Variants in ACSF2 observed in about 807,000 individuals in gnomAD.
ACSF2 encodes acyl-CoA synthetase family member 2.
ACSF2 carries 52 observed loss-of-function variants against 79.3 expected under a neutral mutation model. The ratio of observed to expected loss-of-function variants is 0.66; its 90% CI spans 0.53 to 0.83. ACSF2 has a LOEUF of 0.83. Ranked by LOEUF, ACSF2 falls within the 40% of genes least tolerant of loss-of-function variation. ACSF2 has a pLI of 0.00. For synonymous variants in ACSF2, 283 were observed against 312.6 expected (o/e 0.91, Z 1.00); for missense variants, 661 against 803.3 (o/e 0.82, Z 2.14).
intron 1 of ACSF2, among the ~76,000 whole-genome samples, chr17:50,429,797 C>T (rs1314070856): frequency 2.0e-5 from 3 of 152,190 alleles, no homozygotes; most frequent in African/African-American, 4.8e-5. Flanking sequence ...GGATTACAGG[C>T]GTGAGCCACC....
chr17:50,436,928 G>T (rs929298989), intron 1 of ACSF2, among the ~76,000 whole-genome samples: 61 of 152,066 alleles, frequency 4.0e-4, no homozygotes, highest in African/African-American at 1.4e-3. Context: ...ATTTATTCAG[G>T]TACATAAAAA....
intron 6 of ACSF2, chr17:50,462,830 C>T (rs2143716568): frequency 1.7e-6 from 1 of 592,138 alleles, no homozygotes; most frequent in Non-Finnish European, 3.0e-6. Context: ...TTCACTGAAC[C>T]AACACAGGTT....
In ACSF2 at chr17:50,463,510, T is replaced by C; in HGVS notation, c.1004T>C (p.Ile335Thr). ...YGATLILASP[I>T]FNGKKALEAI... ...GCCACCCTCATCCTGGCCTCTCCCATCTTCAATGGCAAGAAGGCACTGGAG... is the reference window on the plus strand; with the variant it reads ...GCCACCCTCATCCTGGCCTCTCCCACCTTCAATGGCAAGAAGGCACTGGAG... Residue 335 changes from isoleucine (I) to threonine (T), a missense_variant, in exon 8 of 16, where the codon ATC becomes ACC. By Grantham distance (89) the Ile-to-Thr change is moderately conservative. Coordinates refer to ENST00000300441, the MANE Select transcript of ACSF2 (RefSeq NM_025149.6). This position sits in a 1 kb window ranked among gnomAD's most constrained non-coding sequence, Gnocchi z 4.6. The C allele has an allele frequency of 6.2e-7, 1 of 1,614,150 alleles. No individual in the cohort carries two copies. The highest frequency in any genetic ancestry group is 8.5e-7 in the Non-Finnish European group (1 of 1,180,034).
chr17:50,460,013 G>C (rs1210044996), intron 1 of ACSF2, among the ~76,000 whole-genome samples: 1 of 152,140 alleles, frequency 6.6e-6, no homozygotes, highest in Non-Finnish European at 1.5e-5. Flanking sequence ...TCTGAGAGTG[G>C]GAGCTGGAGC....
At chr17:50,460,458 C>T (rs1326378477) in intron 1 of ACSF2, 2 of 582,280 alleles carry the variant, frequency 3.4e-6, no homozygotes, top group Admixed American at 5.9e-5. Context: ...TTTGCTCCAG[C>T]TTGGTGTAAC....
intron 1 of ACSF2, among the ~76,000 whole-genome samples, chr17:50,434,863 CT>C (rs200357988): frequency 0.011 from 1,615 of 148,616 alleles, 37 homozygotes; most frequent in African/African-American, 0.038. Context: ...CTGCACAGAT[CT>C]TTTTTTTTTC....
chr17:50,438,080 T>G (rs2030578415), intron 1 of ACSF2, among the ~76,000 whole-genome samples: 1 of 152,152 alleles, frequency 6.6e-6, no homozygotes. Context: ...TGTCCCCCAG[T>G]ATCTATGGGG....
At chr17:50,462,652 G>C in intron 6 of ACSF2, 67 bp downstream of exon 6, 1 of 1,552,158 alleles carries the variant, frequency 6.4e-7, no homozygotes, top group South Asian at 1.2e-5. Flanking sequence ...TGACACTTCC[G>C]CGGGGATGGG....
rs2030197800 is a variant in ACSF2 at position 50,434,238 on chromosome 17, G to C, written c.128+7849G>C. Among the ~76,000 whole-genome samples, 3 of 152,164 alleles carry C rather than the reference G, an allele frequency of 2.0e-5. No individual in the cohort carries two copies. In the East Asian group the frequency reaches 5.8e-4, roughly 30 times the overall value. ...GGGGACTGAGGCAGGAGGATTGCTT[G>C]AGCCCAGGAAGTCGAGGCTGCAGTG... On this transcript the variant is annotated intron_variant, in intron 1 of 15. Transcript: ENST00000300441.
At chr17:50,432,687 G>A (rs1725496996) in intron 1 of ACSF2, among the ~76,000 whole-genome samples, 1 of 152,192 alleles carries the variant, frequency 6.6e-6, no homozygotes, top group African/African-American at 2.4e-5. Flanking sequence ...TACAAATCGT[G>A]CTTTATAAAC....
intron 1 of ACSF2, among the ~76,000 whole-genome samples, chr17:50,443,657 T>C (rs922195777): frequency 6.6e-6 from 1 of 152,144 alleles, no homozygotes; most frequent in African/African-American, 2.4e-5. Flanking sequence ...GGGGCCAGGC[T>C]GGGGGGCATG....
At chr17:50,429,769 C>T (rs946988912) in intron 1 of ACSF2, among the ~76,000 whole-genome samples, 2 of 152,054 alleles carry the variant, frequency 1.3e-5, no homozygotes, top group Admixed American at 6.5e-5. Context: ...CCACCTGCCT[C>T]AGCCTCCTAA....
chr17:50,447,355 C>T (rs1217717067), intron 1 of ACSF2, among the ~76,000 whole-genome samples: 1 of 152,022 alleles, frequency 6.6e-6, no homozygotes, highest in East Asian at 1.9e-4. Flanking sequence ...GCCTGGGCAA[C>T]ATGGCGAAAC....
intron 10 of ACSF2, chr17:50,464,668 CT>C (rs1224752864): frequency 4.3e-6 from 2 of 464,060 alleles, no homozygotes; most frequent in African/African-American, 4.0e-5. Flanking sequence ...GGGCAAGGAT[CT>C]GATGATTGTT....
chr17:50,472,847 T>C (rs2033183150), intron 12 of ACSF2: 4 of 354,414 alleles, frequency 1.1e-5, no homozygotes, highest in Non-Finnish European at 2.0e-5. Flanking sequence ...AAATTCTTAC[T>C]AGAATTCCTT....
intron 1 of ACSF2, chr17:50,450,100 A>C (rs1432175601): frequency 6.6e-6 from 1 of 152,276 alleles, no homozygotes; most frequent in Admixed American, 6.6e-5. Context: ...GGTAACAGAA[A>C]ATGTGGTTGT....
At chr17:50,448,412 G>T (rs1438071307) in intron 1 of ACSF2, among the ~76,000 whole-genome samples, 1 of 152,196 alleles carries the variant, frequency 6.6e-6, no homozygotes, top group African/African-American at 2.4e-5. Flanking sequence ...CACAAATGGG[G>T]TCTGATAAGG....
chr17:50,468,980 C>G, intron 10 of ACSF2: 1 of 1,368,930 alleles, frequency 7.3e-7, no homozygotes, highest in Non-Finnish European at 9.3e-7. Context: ...GGGCTTAACT[C>G]GCTCGCGCCC....
At chr17:50,442,952 C>T (rs576195564) in intron 1 of ACSF2, among the ~76,000 whole-genome samples, 4 of 151,562 alleles carry the variant, frequency 2.6e-5, no homozygotes, top group Non-Finnish European at 5.9e-5. Context: ...ACTCTGTTCC[C>T]AGACTGGAGT....
Sources: gnomAD v4.1 joint callset for allele counts (sites outside exome capture counted in the v4.1 genomes callset) on GRCh38, gnomAD v4.1.1 for gene constraint, Gnocchi (gnomAD v3.1) non-coding constraint, MANE v1.5 for transcripts, NCBI Gene and HGNC (gene_info 2026-07-23, HGNC 2026-07-21) for gene names.